The following SIGLEC9 variants were observed in gnomAD, a reference collection of about 807,000 sequenced individuals.
SIGLEC9 encodes the protein sialic acid-binding Ig-like lectin 9.
Under a neutral mutation model 38.3 loss-of-function variants are expected in SIGLEC9, and 26 were observed. That is an observed-to-expected ratio of 0.68 (90% CI 0.50 to 0.94). SIGLEC9 has a LOEUF of 0.94. SIGLEC9 is among the 40% of genes least tolerant of loss of function. SIGLEC9 has a pLI of 0.00. For missense variants in SIGLEC9, 556 were observed against 585.7 expected (o/e 0.95, Z 0.52); for synonymous variants, 236 against 248.0 (o/e 0.95, Z 0.45).
downstream of SIGLEC9, among the ~76,000 whole-genome samples, chr19:51,132,685 T>C (rs940225453): frequency 6.6e-6 from 1 of 152,250 alleles, no homozygotes; most frequent in African/African-American, 2.4e-5. Context: ...GAGTGCTTCA[T>C]TCTTGGCGTT....
upstream of SIGLEC9, chr19:51,120,646 C>A: frequency 6.3e-6 from 1 of 159,598 alleles, no homozygotes. The surrounding 1 kb of genome is among the most constrained non-coding windows in gnomAD (Gnocchi z 4.1). Context: ...CCGACCAGTC[C>A]TCAGTTCTCA....
At position 51,125,527 on chromosome 19, in the gene SIGLEC9, A is replaced by G. The variant is rs1335340505; in HGVS notation, c.422-70A>G. 3 of 1,579,940 alleles carry G rather than the reference A, an allele frequency of 1.9e-6. No individual in the cohort carries two copies. The Admixed American group carries it at 5.5e-5, about 29-fold the overall frequency. ...TGGCTCAGGGCAGGAGCTGGACCAG[A>G]GCCTGAGCTCCCCCCAGGGCTGCAC... On this transcript the variant is annotated intron_variant, in intron 1 of 6. Transcript: ENST00000250360.
downstream of SIGLEC9, chr19:51,130,336 C>A: frequency 2.1e-6 from 1 of 479,350 alleles, no homozygotes; most frequent in Non-Finnish European, 3.1e-6. Flanking sequence ...GTTTCCTGCT[C>A]TGTAAAACAG....
At chr19:51,131,420 T>C (rs2092014158), downstream of SIGLEC9, among the ~76,000 whole-genome samples, 1 of 151,954 alleles carries the variant, frequency 6.6e-6, no homozygotes, top group Non-Finnish European at 1.5e-5. Flanking sequence ...ACCCTGTCTC[T>C]ACTAAAAATA....
downstream of SIGLEC9, among the ~76,000 whole-genome samples, chr19:51,134,008 C>T: frequency 6.6e-6 from 1 of 152,034 alleles, no homozygotes; most frequent in East Asian, 1.9e-4. Context: ...ATATGAAGTT[C>T]AAGAACAGGC....
intron 6 of SIGLEC9, among the ~76,000 whole-genome samples, chr19:51,129,455 G>A (rs1039817693): frequency 3.3e-5 from 5 of 151,578 alleles, no homozygotes; most frequent in Non-Finnish European, 7.4e-5. Context: ...CACTGTGACC[G>A]GCCACATTCT....
Position 51,130,310 on chromosome 19 carries a change from A to C in SIGLEC9, c.*231A>C. 1 of 699,270 alleles carries C rather than the reference A, an allele frequency of 1.4e-6. No homozygotes were observed. Among genetic ancestry groups the C allele is most frequent in the Non-Finnish European group, 2.0e-6 (1 of 501,120 alleles). The allele number at this position is 699,270 out of a possible 1,614,324, so 43.3% of individuals were successfully genotyped here. A position where few individuals can be genotyped will look rare whatever the true frequency, so the allele number is the denominator to read the frequency against. ...TTAACTAAAAGACAGACAAATTCCT[A>C]CCTCTCTGTACCTTGGTTTCCTGCT... On this transcript the variant is annotated 3_prime_UTR_variant, in exon 7 of 7. Coordinates refer to ENST00000250360, the MANE Select transcript of SIGLEC9 (RefSeq NM_014441.3).
Position 51,125,044 on chromosome 19 carries a change from ACGAT to A in SIGLEC9, c.71_74del (p.Thr24SerfsTer5). On this transcript the variant is annotated frameshift_variant, in exon 1 of 7. Coordinates refer to ENST00000250360, the MANE Select transcript of SIGLEC9 (RefSeq NM_014441.3). LOFTEE classifies it high-confidence loss of function. ...GGAAGGACAGACAAGTAAACTGCTG[ACGAT>A]GCAGAGTTCCGTGACGGTGCAGGAA... The A allele has an allele frequency of 6.2e-7, 1 of 1,614,000 alleles. No homozygotes were observed. Among genetic ancestry groups the A allele is most frequent in the Non-Finnish European group, 8.5e-7 (1 of 1,179,932 alleles).
downstream of SIGLEC9, among the ~76,000 whole-genome samples, chr19:51,135,014 C>T (rs577032945): frequency 6.6e-6 from 1 of 152,330 alleles, no homozygotes; most frequent in African/African-American, 2.4e-5. Context: ...CCAGTCTCCT[C>T]TGCGTCTCAT....
chr19:51,133,007 A>G (rs1344479734), downstream of SIGLEC9, among the ~76,000 whole-genome samples: 3 of 151,652 alleles, frequency 2.0e-5, no homozygotes, highest in Non-Finnish European at 4.4e-5. Context: ...AGATGAGTGT[A>G]TATGTATGTA....
In SIGLEC9 at chr19:51,135,960, A is replaced by G. The variant is rs1181496217; in HGVS notation, c.1204-2A>G. 1 of 702,504 alleles carries G rather than the reference A, an allele frequency of 1.4e-6. No homozygotes were observed. The highest frequency in any genetic ancestry group is 2.0e-5 in the Admixed American group (1 of 49,926). 43.5% of individuals were successfully genotyped at this position (702,504 alleles called of 1,614,324 possible). A position where few individuals can be genotyped will look rare whatever the true frequency, so the allele number is the denominator to read the frequency against. On this transcript the variant is annotated splice_acceptor_variant, in intron 6 of 6. Transcript: ENST00000440804. LOFTEE classifies it high-confidence loss of function. ...TCTTAAAATGATTATTTTATCTTTC[A>G]GATCTTGAATCATTTTATTGGATTT...
At chr19:51,124,575 C>T (rs1419902310), upstream of SIGLEC9, among the ~76,000 whole-genome samples, 1 of 152,190 alleles carries the variant, frequency 6.6e-6, no homozygotes, top group African/African-American at 2.4e-5. Flanking sequence ...CCAAGTCCCA[C>T]CTCTGAGCTA....
At chr19:51,127,454 C>T (rs910354144) in intron 4 of SIGLEC9, among the ~76,000 whole-genome samples, 158 bp downstream of exon 4, 1 of 152,134 alleles carries the variant, frequency 6.6e-6, no homozygotes, top group African/African-American at 2.4e-5. Flanking sequence ...CACCACTGTC[C>T]TCTTCCTGCC....
In SIGLEC9 at chr19:51,125,297, A is replaced by T; in HGVS notation, c.323A>T (p.Asp108Val). 1.2e-6 allele frequency: 2 copies of T among 1,613,932 alleles called. No individual in the cohort carries two copies. Among genetic ancestry groups the T allele is most frequent in the South Asian group, 2.2e-5 (2 of 91,080 alleles). The change falls in exon 1 of 7, where the codon GAT becomes GTT. Residue 108 changes from aspartate (D) to valine (V), a missense_variant. Transcript: ENST00000250360. ...AAGAATTGCACCCTGAGCATCAGAG[A>T]TGCCAGAAGAAGTGATGCGGGGAGA... ...HTKNCTLSIR[D>V]ARRSDAGRYF...
intron 6 of SIGLEC9, among the ~76,000 whole-genome samples, chr19:51,129,375 G>A (rs1488373403): frequency 2.0e-5 from 3 of 151,758 alleles, no homozygotes; most frequent in African/African-American, 4.8e-5. Context: ...TAGCCAGGAT[G>A]GTCTCAGTCT....
chr19:51,120,278 A>G (rs1426375673), upstream of SIGLEC9: 3 of 152,200 alleles, frequency 2.0e-5, no homozygotes, highest in Admixed American at 2.0e-4. This position sits in a 1 kb window ranked among gnomAD's most constrained non-coding sequence, Gnocchi z 4.1. Context: ...TCAGGTGGAG[A>G]GAGGTTATTA....
chr19:51,127,874 C>A (rs1186440856), intron 4 of SIGLEC9, 75 bp from the exon 5 acceptor site: 5 of 834,700 alleles, frequency 6.0e-6, no homozygotes, highest in Admixed American at 3.8e-5. Flanking sequence ...AAGTCTAGGA[C>A]CCTACAGGAA....
At position 51,130,098 on chromosome 19, in the gene SIGLEC9, C is replaced by G; in HGVS notation, c.*19C>G. The G allele has an allele frequency of 1.3e-6, 2 of 1,588,476 alleles. No homozygotes were observed. The highest frequency in any genetic ancestry group is 2.2e-5 in the East Asian group (1 of 44,480). ...CAGATGAGAAACTGCAGAGACTCAC[C>G]CTGATTGAGGGATCACAGCCCCTCC... On this transcript the variant is annotated 3_prime_UTR_variant, in exon 7 of 7. Transcript: ENST00000250360.
Position 51,124,907 on chromosome 19 carries a change from C to T in SIGLEC9, c.-68C>T. ...GGGCCTCCTCTAAGTCTTGAGCCCG[C>T]AGTTCCTGAGAGAAGAACCCTGAGG... On this transcript the variant is annotated 5_prime_UTR_variant, in exon 1 of 7. Transcript: ENST00000250360. The T allele has an allele frequency of 1.9e-6, 3 of 1,542,718 alleles. No individual in the cohort carries two copies. Among genetic ancestry groups the T allele is most frequent in the Non-Finnish European group, 2.6e-6 (3 of 1,145,640 alleles).
Sources: allele counts gnomAD v4.1 joint callset (sites outside exome capture counted in the v4.1 genomes callset), GRCh38; gene constraint gnomAD v4.1.1; non-coding constraint Gnocchi (gnomAD v3.1); transcripts MANE v1.5; gene names NCBI Gene and HGNC (gene_info 2026-07-23, HGNC 2026-07-21).